Variants in RFPL1 observed in about 807,000 individuals in gnomAD.
RFPL1 encodes the protein ret finger protein-like 1.
In RFPL1, 6 loss-of-function variants were observed where a neutral mutation model predicts 9.6. The ratio of observed to expected loss-of-function variants is 0.62; its 90% CI spans 0.34 to 1.23. The LOEUF (loss-of-function observed/expected upper bound fraction) is 1.23. Among genes scored for constraint, RFPL1 ranks in the 50% most tolerant of loss-of-function variants. The pLI is 0.03. For synonymous variants in RFPL1, 145 were observed against 149.4 expected, an observed-to-expected ratio of 0.97 and a Z score of 0.22; for missense variants, 352 against 398.4, an observed-to-expected ratio of 0.88 and a Z score of 0.99.
At chr22:29,437,913 G>T, upstream of RFPL1, 2 of 490,912 alleles carry the variant, frequency 4.1e-6, no homozygotes, top group Non-Finnish European at 7.0e-6. Flanking sequence ...AGTGGTGGCA[G>T]TCAATTTGGT....
chr22:29,410,269 T>TCTA, the RFPL1 span, among the ~76,000 whole-genome samples: 1 of 127,560 alleles, frequency 7.8e-6, no homozygotes, highest in East Asian at 2.6e-4. Context: ...GATATATATA[T>TCTA]CTATATATAT....
At chr22:29,389,842 G>A in the RFPL1 span, among the ~76,000 whole-genome samples, 3 of 150,952 alleles carry the variant, frequency 2.0e-5, no homozygotes, top group Non-Finnish European at 2.9e-5. Context: ...TCTGTTGCCC[G>A]GACTGGAGTG....
At chr22:29,406,179 A>T in the RFPL1 span, among the ~76,000 whole-genome samples, 1 of 147,450 alleles carries the variant, frequency 6.8e-6, no homozygotes, top group African/African-American at 2.5e-5. Context: ...CTCTTTCATG[A>T]GCTGGAAAGC....
chr22:29,437,353 T>C (rs907633125), upstream of RFPL1: 26 of 366,968 alleles, frequency 7.1e-5, no homozygotes, highest in South Asian at 4.6e-4. Flanking sequence ...CAAGCAAAGC[T>C]TGAAGCCTAC....
At chr22:29,422,798 A>AAC in the RFPL1 span, among the ~76,000 whole-genome samples, 1,790 of 113,846 alleles carry the variant, frequency 0.016, 39 homozygotes, top group African/African-American at 0.068. Flanking sequence ...CATGGACGGA[A>AAC]ACACACACAT....
chr22:29,437,759 C>T, upstream of RFPL1: 1 of 1,571,856 alleles, frequency 6.4e-7, no homozygotes, highest in Non-Finnish European at 8.6e-7. Context: ...GTGTGTTTTT[C>T]CTCCTTAGAT....
chr22:29,397,532 GACCGATGGGCCAAACAGAACAAAAGAAA>G, the RFPL1 span, among the ~76,000 whole-genome samples: 1,814 of 152,172 alleles, frequency 0.012, 28 homozygotes, highest in African/African-American at 0.041. Context: ...GTTACCTGCC[GACCGATGGGCCAAACAGAACAAAAGAAA>G]ACCCAGGATT....
the RFPL1 span, among the ~76,000 whole-genome samples, chr22:29,401,370 C>G: frequency 0.36 from 54,257 of 151,664 alleles, 11,500 homozygotes; most frequent in African/African-American, 0.57. Flanking sequence ...ACAGAATGGA[C>G]TTAGCCTACA....
chr22:29,403,899 C>T, the RFPL1 span, among the ~76,000 whole-genome samples: 2 of 152,180 alleles, frequency 1.3e-5, no homozygotes, highest in African/African-American at 4.8e-5. Flanking sequence ...GCATTTAAAC[C>T]GGAAATCCTA....
the RFPL1 span, among the ~76,000 whole-genome samples, chr22:29,391,262 G>C: frequency 1.3e-5 from 2 of 152,084 alleles, no homozygotes; most frequent in Non-Finnish European, 2.9e-5. Flanking sequence ...TCAAGGTGTT[G>C]GCATGGCTGC....
At chr22:29,419,353 C>G in the RFPL1 span, 7,113 of 709,560 alleles carry the variant, frequency 0.01, 288 homozygotes, top group Admixed American at 0.099. Context: ...GAGGGAGGCA[C>G]GTAAGACATC....
At chr22:29,424,241 A>C in the RFPL1 span, among the ~76,000 whole-genome samples, 18 of 152,136 alleles carry the variant, frequency 1.2e-4, no homozygotes, top group African/African-American at 3.4e-4. Context: ...TTCAACAAAA[A>C]TTTACTGAGC....
chr22:29,396,894 CTTCT>C, the RFPL1 span, among the ~76,000 whole-genome samples: 5 of 122,520 alleles, frequency 4.1e-5, no homozygotes, highest in Admixed American at 3.3e-4. Context: ...CAGCCTGAAA[CTTCT>C]TTTTTTTTTT....
At chr22:29,413,076 C>CAAAAA in the RFPL1 span, among the ~76,000 whole-genome samples, 1 of 151,850 alleles carries the variant, frequency 6.6e-6, no homozygotes, top group South Asian at 2.1e-4. Context: ...ATCAGAGCAG[C>CAAAAA]AAACGATTCT....
the RFPL1 span, among the ~76,000 whole-genome samples, chr22:29,416,269 A>C: frequency 6.6e-6 from 1 of 151,826 alleles, no homozygotes; most frequent in African/African-American, 2.4e-5. Context: ...CAGCTTCAGA[A>C]GGGCAGGCAG....
chr22:29,403,376 T>C, the RFPL1 span, among the ~76,000 whole-genome samples: 1 of 152,242 alleles, frequency 6.6e-6, no homozygotes, highest in East Asian at 1.9e-4. Context: ...TAGTGAGCAT[T>C]GACAAAGAAT....
the RFPL1 span, among the ~76,000 whole-genome samples, chr22:29,412,504 C>T: frequency 6.9e-3 from 1,057 of 152,230 alleles, 7 homozygotes; most frequent in Middle Eastern, 0.014. Flanking sequence ...CACAACACCT[C>T]AGTTTCCACT....
At chr22:29,416,361 G>T in the RFPL1 span, among the ~76,000 whole-genome samples, 340 of 152,266 alleles carry the variant, frequency 2.2e-3, 1 homozygote, top group South Asian at 0.019. Context: ...GTGGGGGCTG[G>T]GGAGGGGGGC....
chr22:29,403,079 C>T, the RFPL1 span, among the ~76,000 whole-genome samples: 2 of 151,584 alleles, frequency 1.3e-5, no homozygotes, highest in Non-Finnish European at 2.9e-5. Context: ...TACACTCTCA[C>T]GACTGTTTTT....
Sources: gnomAD v4.1 joint callset for allele counts (sites outside exome capture counted in the v4.1 genomes callset) on GRCh38, gnomAD v4.1.1 for gene constraint, MANE v1.5 for transcripts, NCBI Gene and HGNC (gene_info 2026-07-23, HGNC 2026-07-21) for gene names.